The following SUPT5H variants were observed in gnomAD, a reference collection of about 807,000 sequenced individuals.
SUPT5H encodes transcription elongation factor SPT5.
SUPT5H carries 24 observed loss-of-function variants against 142.5 expected under a neutral mutation model. The observed-to-expected ratio is 0.17, with a 90% CI of 0.12 to 0.24. The LOEUF (loss-of-function observed/expected upper bound fraction) is 0.24. Ranked by LOEUF, SUPT5H falls within the 10% of genes least tolerant of loss-of-function variation. The pLI is 1.00. For synonymous variants in SUPT5H, 546 were observed against 553.0 expected, an observed-to-expected ratio of 0.99 and a Z score of 0.18; for missense variants, 893 against 1,471.8, an observed-to-expected ratio of 0.61 and a Z score of 6.43.
chr19:39,464,863 C>T lies in SUPT5H; in HGVS notation c.690C>T (p.Tyr230=), dbSNP rs376748613. ...AGGGCTACATCTACGTGGAGGCCTA[C>T]AAGCAGACCCACGTGAAGCAGGCCA... ...HVKGYIYVEA[Y]KQTHVKQAIE... is the part of the protein sequence containing the mutation. The change falls in exon 11 of 30, where the codon TAC becomes TAT. Residue 230 remains tyrosine, a synonymous_variant. Coordinates refer to ENST00000432763, the MANE Select transcript of SUPT5H (RefSeq NM_001111020.3). The T allele has an allele frequency of 6.2e-7, 1 of 1,614,192 alleles. No individual in the cohort carries two copies. The highest frequency in any genetic ancestry group is 8.5e-7 in the Non-Finnish European group (1 of 1,180,032).
intron 18 of SUPT5H, 47 bp from the exon 19 acceptor site, chr19:39,471,310 C>G: frequency 6.2e-7 from 1 of 1,612,480 alleles, no homozygotes; most frequent in Non-Finnish European, 8.5e-7. Flanking sequence ...CCCCGTGTCT[C>G]CCCTTCCCAT....
intron 9 of SUPT5H, 126 bp downstream of exon 9, chr19:39,459,715 C>G (rs558617020): frequency 1.2e-5 from 16 of 1,351,570 alleles, no homozygotes; most frequent in Non-Finnish European, 1.7e-5. Flanking sequence ...CTGTCTCCAT[C>G]CCTCACTCCA....
chr19:39,455,900 C>A (rs1312543189), intron 3 of SUPT5H, among the ~76,000 whole-genome samples: 1 of 141,298 alleles, frequency 7.1e-6, no homozygotes, highest in Non-Finnish European at 1.5e-5. Flanking sequence ...GGATTACAGG[C>A]GTGAACCACT....
Position 39,474,761 on chromosome 19 carries a change from T to G in SUPT5H, c.3024+43T>G. On this transcript the variant is annotated intron_variant, in intron 28 of 29. Transcript: ENST00000432763. This position sits in a 1 kb window ranked among gnomAD's most constrained non-coding sequence, Gnocchi z 6.5. ...TGGTGGGTGAGCAGGCATCCTCTCC[T>G]TGGTACCCCCTAAACTGGAGACAGA... 6.4e-7 allele frequency: 1 copy of G among 1,562,466 alleles called. No individual in the cohort carries two copies.
At position 39,476,669 on chromosome 19, in the gene SUPT5H, A is replaced by G. The variant is rs1365717205; in HGVS notation, c.*270A>G. 4 of 393,356 alleles carry G rather than the reference A, an allele frequency of 1.0e-5. No individual in the cohort carries two copies. The highest frequency in any genetic ancestry group is 1.8e-5 in the Non-Finnish European group (4 of 223,050). 24.4% of individuals were successfully genotyped at this position (393,356 alleles called of 1,614,324 possible). A position where few individuals can be genotyped will look rare whatever the true frequency, so the allele number is the denominator to read the frequency against. ...AATAAAAAGAAGCTGTTTGGTCTAA[A>G]AGTGCGTGTGTGTGTGTGTGTGTGT... On this transcript the variant is annotated 3_prime_UTR_variant, in exon 30 of 30. Transcript: ENST00000432763.
rs1460222171 is a variant in SUPT5H, at chr19:39,474,239, A to G, written c.2657A>G (p.Asn886Ser). The G allele has an allele frequency of 6.2e-7, 1 of 1,613,748 alleles. No individual in the cohort carries two copies. The highest frequency in any genetic ancestry group is 1.3e-5 in the African/African-American group (1 of 74,800). The part of the protein sequence containing the change: ...PQTPGTPAMY[N>S]TDQFSPYAAP... ...CTTCTCTCCTGTCTCTGCAGGTACAACACAGACCAGTTCTCTCCCTATGCT... is the reference window on the plus strand; with the variant it reads ...CTTCTCTCCTGTCTCTGCAGGTACAGCACAGACCAGTTCTCTCCCTATGCT... Residue 886 changes from asparagine to serine, a missense_variant, in exon 27 of 30, where the codon AAC (asparagine) becomes AGC (serine). Coordinates refer to ENST00000432763, the MANE Select transcript of SUPT5H (RefSeq NM_001111020.3). This position sits in a 1 kb window ranked among gnomAD's most constrained non-coding sequence, Gnocchi z 6.5.
intron 2 of SUPT5H, among the ~76,000 whole-genome samples, chr19:39,452,539 TG>T (rs1392361121): frequency 6.6e-6 from 1 of 151,922 alleles, no homozygotes; most frequent in Non-Finnish European, 1.5e-5. Context: ...AGGGCATGGT[TG>T]GGGTGCCAGA....
In SUPT5H at chr19:39,474,372, C is replaced by T; in HGVS notation, c.2790C>T (p.Tyr930=). 6.2e-7 allele frequency: 1 copy of T among 1,614,140 alleles called. No individual in the cohort carries two copies. Among genetic ancestry groups the T allele is most frequent in the Non-Finnish European group, 8.5e-7 (1 of 1,180,002 alleles). The part of the protein sequence containing the change: ...GYQNTHSPAS[Y]HPTPSPMAYQ... ...AGAATACCCACTCCCCAGCCAGCTA[C>T]CACCCTACACCGTCGCCCATGGCCT... The change falls in exon 27 of 30, where the codon TAC becomes TAT. Residue 930 remains tyrosine, a synonymous_variant. Coordinates refer to ENST00000432763, the MANE Select transcript of SUPT5H (RefSeq NM_001111020.3). The surrounding 1 kb of genome is among the most constrained non-coding windows in gnomAD (Gnocchi z 6.5).
rs1168259902 is a variant in SUPT5H, at chr19:39,447,045, G to C, written c.75+1080G>C. ...CTGAGCTTGGTGGCACGCTTCTGTA[G>C]TCCCAGCTACTTGGGAGGCTGAGGT... On this transcript the variant is annotated intron_variant, in intron 2 of 29. Coordinates refer to ENST00000432763, the MANE Select transcript of SUPT5H (RefSeq NM_001111020.3). Among the ~76,000 whole-genome samples the C allele has an allele frequency of 3.9e-5, 6 of 152,086 alleles. No individual in the cohort carries two copies. The East Asian group carries it at 1.2e-3, about 29-fold the overall frequency.
At chr19:39,447,765 C>G (rs1025846433) in intron 2 of SUPT5H, among the ~76,000 whole-genome samples, 1 of 152,144 alleles carries the variant, frequency 6.6e-6, no homozygotes, top group Non-Finnish European at 1.5e-5. Flanking sequence ...GTTTGTTGAA[C>G]AAATCAGTGT....
chr19:39,471,063 T>C (rs1224978544), intron 18 of SUPT5H, among the ~76,000 whole-genome samples: 1 of 152,192 alleles, frequency 6.6e-6, no homozygotes, highest in Non-Finnish European at 1.5e-5. Context: ...CACAGAATGA[T>C]GGATGAACAA....
Position 39,474,344 on chromosome 19 carries a change from A to T in SUPT5H, c.2762A>T (p.Tyr921Phe). The T allele has an allele frequency of 6.2e-7, 1 of 1,613,970 alleles. No individual in the cohort carries two copies. The highest frequency in any genetic ancestry group is 8.5e-7 in the Non-Finnish European group (1 of 1,179,988). Reference protein sequence around the residue: ...YHQVAPSPAGYQNTHSPASYH... With the variant: ...YHQVAPSPAGFQNTHSPASYH... ...CAGGTGGCGCCAAGCCCAGCAGGCTACCAGAATACCCACTCCCCAGCCAGC... is the reference window on the plus strand; with the variant it reads ...CAGGTGGCGCCAAGCCCAGCAGGCTTCCAGAATACCCACTCCCCAGCCAGC... Residue 921 changes from tyrosine (Y) to phenylalanine (F), a missense_variant, in exon 27 of 30, where the codon TAC becomes TTC. Transcript: ENST00000432763. This position sits in a 1 kb window ranked among gnomAD's most constrained non-coding sequence, Gnocchi z 6.5.
Position 39,470,082 on chromosome 19 carries a change from CT to C in SUPT5H, c.1375-35del, listed in dbSNP as rs2079298414. The C allele has an allele frequency of 1.2e-6, 2 of 1,603,016 alleles. No homozygotes were observed. Among genetic ancestry groups the C allele is most frequent in the African/African-American group, 2.7e-5 (2 of 74,720 alleles). On this transcript the variant is annotated intron_variant, in intron 16 of 29. Transcript: ENST00000432763. This position sits in a 1 kb window ranked among gnomAD's most constrained non-coding sequence, Gnocchi z 5.8. ...GGGCAGGCAGGTTGTGGTGGTCTCCCTTCACCTGTTTGTTGTCCCCACACCC... is the reference window on the plus strand; with the variant it reads ...GGGCAGGCAGGTTGTGGTGGTCTCCCTCACCTGTTTGTTGTCCCCACACCC...
chr19:39,472,854 A>G lies in SUPT5H; in HGVS notation c.2080A>G (p.Met694Val), dbSNP rs761738949. ...TAGCCCAGGTGGCGGCAGTGGTGGC[A>G]TGAGCAGGGGCCGGGGCCGGAGGGA... ...FGSPGGGSGG[M>V]SRGRGRRDNE... The change falls in exon 22 of 30, where the codon ATG (methionine) becomes GTG (valine). Residue 694 changes from methionine to valine, a missense_variant. By Grantham distance (21) the Met-to-Val change is conservative. This residue lies in a region of SUPT5H where 35 missense variants were observed against 29.7 expected (regional missense o/e 1.18). Coordinates refer to ENST00000432763, the MANE Select transcript of SUPT5H (RefSeq NM_001111020.3). This position sits in a 1 kb window ranked among gnomAD's most constrained non-coding sequence, Gnocchi z 4.2. 11 of 1,613,770 alleles carry G rather than the reference A, an allele frequency of 6.8e-6. No homozygotes were observed. Among genetic ancestry groups the G allele is most frequent in the Non-Finnish European group, 9.3e-6 (11 of 1,179,832 alleles).
chr19:39,455,925 CTTTTT>C (rs34762912), intron 3 of SUPT5H, among the ~76,000 whole-genome samples: 3 of 91,152 alleles, frequency 3.3e-5, no homozygotes, highest in East Asian at 6.3e-4. Context: ...CCCGCCTCTT[CTTTTT>C]TTTTTTTTTT....
intron 3 of SUPT5H, among the ~76,000 whole-genome samples, chr19:39,454,489 C>T (rs2079062019): frequency 6.6e-6 from 1 of 151,788 alleles, no homozygotes; most frequent in Non-Finnish European, 1.5e-5. Context: ...GGACTACGGG[C>T]ACGTGCCACC....
Position 39,474,056 on chromosome 19 carries a change from C to T in SUPT5H, c.2586C>T (p.Tyr862=), listed in dbSNP as rs1390258609. 6.2e-7 allele frequency: 1 copy of T among 1,611,480 alleles called. No homozygotes were observed. Among genetic ancestry groups the T allele is most frequent in the Non-Finnish European group, 8.5e-7 (1 of 1,178,640 alleles). ...CCCCCAATCCCCAAACACCTGGCTA[C>T]CCAGACCCCTCGTCCCCACAGGTCA... The part of the protein sequence containing the change: ...GGTPNPQTPG[Y]PDPSSPQVNP... Residue 862 remains tyrosine (Y), a synonymous_variant, in exon 26 of 30, where the codon TAC becomes TAT. Coordinates refer to ENST00000432763, the MANE Select transcript of SUPT5H (RefSeq NM_001111020.3). This position sits in a 1 kb window ranked among gnomAD's most constrained non-coding sequence, Gnocchi z 6.5.
intron 3 of SUPT5H, among the ~76,000 whole-genome samples, chr19:39,455,978 G>C (rs906052335): frequency 7.1e-6 from 1 of 140,262 alleles, no homozygotes; most frequent in Non-Finnish European, 1.5e-5. Context: ...CCACCCTGGA[G>C]TGCAGTGGTG....
chr19:39,472,895 C>T lies in SUPT5H; in HGVS notation c.2121C>T (p.Gly707=). ...GRGRRDNELI[G]QTVRISQGPY... The stretch of plus-strand genomic sequence containing the variant: ...GCCGGAGGGACAACGAACTCATCGG[C>T]CAGACCGTGCGCATCTCCCAGGGGC... Residue 707 remains glycine (G), a synonymous_variant, in exon 22 of 30, where the codon GGC becomes GGT. Coordinates refer to ENST00000432763, the MANE Select transcript of SUPT5H (RefSeq NM_001111020.3). This position sits in a 1 kb window ranked among gnomAD's most constrained non-coding sequence, Gnocchi z 4.2. 1.9e-6 allele frequency: 3 copies of T among 1,613,738 alleles called. No homozygotes were observed. Among genetic ancestry groups the T allele is most frequent in the South Asian group, 2.2e-5 (2 of 91,052 alleles).
Sources: gnomAD v4.1 joint callset for allele counts (sites outside exome capture counted in the v4.1 genomes callset) on GRCh38, gnomAD v4.1.1 for gene constraint, gnomAD v4.1.1 regional missense constraint, Gnocchi (gnomAD v3.1) non-coding constraint, MANE v1.5 for transcripts, NCBI Gene and HGNC (gene_info 2026-07-23, HGNC 2026-07-21) for gene names.